The following TDRD12 variants were observed in gnomAD, a reference collection of about 807,000 sequenced individuals.
TDRD12 encodes the protein tudor domain containing 12.
A neutral mutation model predicts 133.5 loss-of-function variants in TDRD12; 158 were observed. The ratio of observed to expected loss-of-function variants is 1.18; its 90% confidence interval spans 1.04 to 1.35. The LOEUF is 1.35. Ranked by LOEUF, TDRD12 falls within the 40% of genes most tolerant of loss-of-function variation. The pLI is 0.00. For synonymous variants in TDRD12, 460 were observed against 477.9 expected (o/e 0.96, Z 0.49); for missense variants, 1,443 against 1,321.3 (o/e 1.09, Z -1.43).
Position 32,756,195 on chromosome 19 carries a change from C to G in TDRD12, c.772+14C>G. ...AAGGAATGGAAGGTGAGTAGATTCTCATCATATCAATTTCCCTTACATTGT... is the reference window on the plus strand; with the variant it reads ...AAGGAATGGAAGGTGAGTAGATTCTGATCATATCAATTTCCCTTACATTGT... On this transcript the variant is annotated intron_variant, in intron 7 of 27. Transcript: ENST00000444215. The G allele has an allele frequency of 7.1e-7, 1 of 1,401,244 alleles. No individual in the cohort carries two copies. Among genetic ancestry groups the G allele is most frequent in the Non-Finnish European group, 9.3e-7 (1 of 1,079,892 alleles). 86.8% of individuals were successfully genotyped at this position (1,401,244 alleles called of 1,614,324 possible). A position where few individuals can be genotyped will look rare whatever the true frequency, so the allele number is the denominator to read the frequency against.
At chr19:32,719,995 C>G (rs1392935942) in exon 1 of TDRD12, 21 of 1,510,654 alleles carry the variant, frequency 1.4e-5, no homozygotes, top group Admixed American at 2.0e-5. Context: ...CTGGCCGGGG[C>G]GGACGCAGCC....
chr19:32,807,398 C>G, intron 21 of TDRD12, 151 bp from the exon 22 acceptor site: 1 of 381,880 alleles, frequency 2.6e-6, no homozygotes, highest in Non-Finnish European at 4.6e-6. Flanking sequence ...TTAATGTCAT[C>G]TGAAATATTT....
chr19:32,753,455 A>G (rs1197531050), intron 6 of TDRD12, among the ~76,000 whole-genome samples: 1 of 150,832 alleles, frequency 6.6e-6, no homozygotes, highest in Non-Finnish European at 1.5e-5. Flanking sequence ...CTCCAGCCTC[A>G]CCCTCTCAAG....
intron 4 of TDRD12, among the ~76,000 whole-genome samples, chr19:32,745,766 A>AGTGG (rs1969588047): frequency 9.8e-6 from 1 of 102,052 alleles, no homozygotes. Flanking sequence ...TGTGTGTGAG[A>AGTGG]GAGAGAGACT....
chr19:32,777,382 A>G (rs1307322013), intron 11 of TDRD12, among the ~76,000 whole-genome samples, 153 bp downstream of exon 11: 1 of 152,122 alleles, frequency 6.6e-6, no homozygotes, highest in Admixed American at 6.6e-5. Flanking sequence ...TTTGAGGTTA[A>G]TTTTTGCTTT....
intron 8 of TDRD12, among the ~76,000 whole-genome samples, chr19:32,762,045 T>C (rs961213234): frequency 6.7e-5 from 10 of 150,054 alleles, no homozygotes; most frequent in Non-Finnish European, 1.0e-4. Context: ...TTTGTCCTCT[T>C]AGTGTTGAGT....
At chr19:32,807,417 T>G in intron 21 of TDRD12, 132 bp from the exon 22 acceptor site, 1 of 498,154 alleles carries the variant, frequency 2.0e-6, no homozygotes, top group Non-Finnish European at 3.4e-6. Context: ...TTAATGTGGT[T>G]ATTCAGTCTT....
chr19:32,738,968 A>G (rs1969309240), exon 3 of TDRD12: 2 of 1,550,776 alleles, frequency 1.3e-6, no homozygotes, highest in South Asian at 2.4e-5. Context: ...GACTTTGCCA[A>G]GAACATTCCA....
chr19:32,765,042 G>GA (rs1345052427), intron 8 of TDRD12, among the ~76,000 whole-genome samples: 1 of 152,044 alleles, frequency 6.6e-6, no homozygotes, highest in Non-Finnish European at 1.5e-5. Context: ...AAATTTACAA[G>GA]AAAAAAACAA....
chr19:32,798,792 G>A (rs1438092339), intron 16 of TDRD12, among the ~76,000 whole-genome samples: 1 of 152,152 alleles, frequency 6.6e-6, no homozygotes, highest in Non-Finnish European at 1.5e-5. Context: ...TTACTATTTT[G>A]GAGTATTTGC....
At chr19:32,756,761 T>C (rs977521066) in intron 7 of TDRD12, among the ~76,000 whole-genome samples, 1 of 152,138 alleles carries the variant, frequency 6.6e-6, no homozygotes, top group African/African-American at 2.4e-5. Flanking sequence ...AGAAAACAAA[T>C]TTTGAATATT....
At chr19:32,819,106 C>G (rs1967289366) in intron 27 of TDRD12, among the ~76,000 whole-genome samples, 1 of 152,098 alleles carries the variant, frequency 6.6e-6, no homozygotes, top group South Asian at 2.1e-4. Flanking sequence ...TGCTCAAGCT[C>G]AGGAGTTCGA....
At chr19:32,816,102 G>C (rs1371667689) in intron 26 of TDRD12, among the ~76,000 whole-genome samples, 1 of 152,102 alleles carries the variant, frequency 6.6e-6, no homozygotes, top group African/African-American at 2.4e-5. Flanking sequence ...CTATACCCCA[G>C]CCCACACTTG....
At position 32,783,401 on chromosome 19, in the gene TDRD12, G is replaced by A. The variant is rs528590199; in HGVS notation, c.1121+6172G>A. ...AAAGTTTGAAGTCAGGTAGCGTGATGCCTCCAGCTTTGTTCTTCTTCCCCA... is the reference window on the plus strand; with the variant it reads ...AAAGTTTGAAGTCAGGTAGCGTGATACCTCCAGCTTTGTTCTTCTTCCCCA... On this transcript the variant is annotated intron_variant, in intron 11 of 27. Coordinates refer to ENST00000444215, the Ensembl canonical transcript of TDRD12. Among the ~76,000 whole-genome samples, 12 of 152,284 alleles carry A rather than the reference G, an allele frequency of 7.9e-5. No homozygotes were observed. In the East Asian group the frequency reaches 2.3e-3, roughly 29 times the overall value.
intron 8 of TDRD12, among the ~76,000 whole-genome samples, chr19:32,767,153 A>G (rs1373449805): frequency 6.9e-6 from 1 of 144,708 alleles, no homozygotes; most frequent in East Asian, 2.0e-4. Context: ...TTTGAGACGG[A>G]GTTTTGCTCT....
At chr19:32,810,825 G>A (rs922681686) in intron 23 of TDRD12, among the ~76,000 whole-genome samples, 5 of 152,142 alleles carry the variant, frequency 3.3e-5, no homozygotes, top group South Asian at 4.1e-4. Flanking sequence ...CCAGGAGGTC[G>A]AGGCTGCATT....
chr19:32,759,501 C>T (rs748947342), intron 8 of TDRD12, among the ~76,000 whole-genome samples: 47 of 151,996 alleles, frequency 3.1e-4, no homozygotes, highest in Non-Finnish European at 5.3e-4. Flanking sequence ...GCCTCAACCT[C>T]CTGGCCTCAA....
chr19:32,769,128 A>G (rs1970375694), intron 8 of TDRD12, among the ~76,000 whole-genome samples: 1 of 152,044 alleles, frequency 6.6e-6, no homozygotes, highest in African/African-American at 2.4e-5. Flanking sequence ...TCTTAATGGT[A>G]TTTTTCAGAG....
rs982116852 is a variant in TDRD12, at chr19:32,813,855, T to G, written c.3141+79T>G. 6.5e-5 allele frequency: 52 copies of G among 801,330 alleles called. No individual in the cohort carries two copies. In the African/African-American group the frequency reaches 6.8e-4, roughly 10 times the overall value. The allele number at this position is 801,330 out of a possible 1,614,324, so 49.6% of individuals were successfully genotyped here. The stretch of plus-strand genomic sequence containing the variant: ...TATCCAGATTATTCTAAGCCCTCAC[T>G]TGAATAACTGCTGCATAGAAACGGT... On this transcript the variant is annotated intron_variant, in intron 25 of 27. Transcript: ENST00000444215.
Sources: gnomAD v4.1 joint callset for allele counts (sites outside exome capture counted in the v4.1 genomes callset) on GRCh38, gnomAD v4.1.1 for gene constraint, MANE v1.5 for transcripts, NCBI Gene and HGNC (gene_info 2026-07-23, HGNC 2026-07-21) for gene names.